The following ZNF385D variants were observed in gnomAD, a reference collection of about 807,000 sequenced individuals.
The protein encoded by ZNF385D is zinc finger protein 659.
ZNF385D carries 15 observed loss-of-function variants against 35.8 expected under a neutral mutation model. The ratio of observed to expected loss-of-function variants is 0.42; its 90% CI spans 0.28 to 0.64. The LOEUF is 0.64. Ranked by LOEUF, ZNF385D falls within the 30% of genes least tolerant of loss-of-function variation. The probability of loss-of-function intolerance (pLI) is 0.23; values close to 1 mark genes in which losing one functional copy is unlikely to be tolerated. For missense variants in ZNF385D, 474 were observed against 494.6 expected (o/e 0.96, Z 0.39); for synonymous variants, 212 against 186.8 (o/e 1.13, Z -1.10).
At chr3:21,991,618 A>G (rs1408548676) in intron 3 of ZNF385D, among the ~76,000 whole-genome samples, 1 of 152,212 alleles carries the variant, frequency 6.6e-6, no homozygotes, top group Non-Finnish European at 1.5e-5. Context: ...ACGACAGCTA[A>G]TAAGACAAAG....
At chr3:22,278,943 G>A (rs77240545) in intron 2 of ZNF385D, among the ~76,000 whole-genome samples, 7,657 of 152,010 alleles carry the variant, frequency 0.05, 252 homozygotes, top group African/African-American at 0.097. Context: ...TTACTCGCTG[G>A]GTTCCCTTAC....
At chr3:22,090,006 T>G (rs559820095) in intron 3 of ZNF385D, among the ~76,000 whole-genome samples, 4 of 152,118 alleles carry the variant, frequency 2.6e-5, no homozygotes, top group African/African-American at 9.6e-5. Flanking sequence ...GCCAGTCTAA[T>G]TTTTTTGCAT....
intron 3 of ZNF385D, among the ~76,000 whole-genome samples, chr3:21,554,165 T>C (rs1429505765): frequency 6.6e-6 from 1 of 152,178 alleles, no homozygotes; most frequent in Non-Finnish European, 1.5e-5. Flanking sequence ...AGCTATAGCC[T>C]TAAAAATATA....
chr3:21,796,940 C>T (rs2072180189), intron 3 of ZNF385D, among the ~76,000 whole-genome samples: 1 of 152,168 alleles, frequency 6.6e-6, no homozygotes, highest in African/African-American at 2.4e-5. Context: ...TCCCCCTGCC[C>T]ATACTTAGCT....
At chr3:21,462,006 TAAA>T (rs547745453) in intron 4 of ZNF385D, among the ~76,000 whole-genome samples, 2 of 152,240 alleles carry the variant, frequency 1.3e-5, no homozygotes, top group Admixed American at 1.3e-4. Context: ...AGTTGCCTAA[TAAA>T]AATTTTATAT....
intron 2 of ZNF385D, among the ~76,000 whole-genome samples, chr3:22,295,498 C>T (rs566711873): frequency 2.6e-5 from 4 of 152,056 alleles, no homozygotes; most frequent in Admixed American, 6.6e-5. Context: ...CAAAACTGGG[C>T]GTACATGTAG....
At chr3:21,861,117 C>A (rs1290513916) in intron 3 of ZNF385D, among the ~76,000 whole-genome samples, 1 of 152,130 alleles carries the variant, frequency 6.6e-6, no homozygotes, top group Non-Finnish European at 1.5e-5. Context: ...TCCAGCCAAG[C>A]CAATGAGGTT....
intron 3 of ZNF385D, among the ~76,000 whole-genome samples, chr3:22,146,536 T>C (rs13319493): frequency 0.015 from 2,211 of 152,306 alleles, 55 homozygotes; most frequent in African/African-American, 0.051. Context: ...TATTATAATT[T>C]ACTTTTTATG....
intron 3 of ZNF385D, among the ~76,000 whole-genome samples, chr3:21,940,842 A>G (rs927348269): frequency 6.6e-6 from 1 of 152,220 alleles, no homozygotes; most frequent in Non-Finnish European, 1.5e-5. Context: ...CAATGTCATA[A>G]TACAGAAATA....
chr3:22,131,699 C>G (rs796968582), intron 3 of ZNF385D, among the ~76,000 whole-genome samples: 170 of 152,272 alleles, frequency 1.1e-3, no homozygotes, highest in African/African-American at 3.5e-3. Context: ...ACTACAGATC[C>G]AGGCAGCTAG....
intron 3 of ZNF385D, among the ~76,000 whole-genome samples, chr3:21,905,689 AATAT>A (rs4044583): frequency 0.45 from 66,668 of 148,628 alleles, 15,131 homozygotes; most frequent in Middle Eastern, 0.57. Flanking sequence ...CATCTGTGGT[AATAT>A]ATATATATAT....
At chr3:21,954,948 G>C (rs962134246) in intron 3 of ZNF385D, among the ~76,000 whole-genome samples, 1 of 152,088 alleles carries the variant, frequency 6.6e-6, no homozygotes, top group Non-Finnish European at 1.5e-5. Flanking sequence ...AGCCTGCAAG[G>C]CTGTCTAGCC....
chr3:21,960,612 T>C (rs376557225), intron 3 of ZNF385D, among the ~76,000 whole-genome samples: 23 of 152,082 alleles, frequency 1.5e-4, no homozygotes, highest in African/African-American at 5.6e-4. Context: ...AGGAAATCAG[T>C]ATATAAAAAG....
rs542479541 is a variant in ZNF385D, at chr3:21,614,751, G to A, written c.166-50067C>T. 1.4e-3 allele frequency among the ~76,000 whole-genome samples: 208 copies of A among 152,248 alleles called. 1 individual carries two copies. The highest frequency in any genetic ancestry group is 2.3e-3 in the South Asian group (11 of 4,828). On this transcript the variant is annotated intron_variant, in intron 2 of 7. Transcript: ENST00000281523. ...CTGCAGGCGAATGCCACCTCGCCCA[G>A]CTAATTTTTCTATTTTTAGTAGAGT...
chr3:21,470,842 C>T (rs888133177), intron 4 of ZNF385D, among the ~76,000 whole-genome samples: 3 of 151,986 alleles, frequency 2.0e-5, no homozygotes, highest in Non-Finnish European at 4.4e-5. Context: ...AGCTTTCAGC[C>T]ACAATGGGCC....
At position 21,795,903 on chromosome 3, in the gene ZNF385D, TA is replaced by T. The variant is rs1426474355; in HGVS notation, c.326-130876del. Among the ~76,000 whole-genome samples the T allele has an allele frequency of 3.3e-5, 5 of 152,334 alleles. No homozygotes were observed. The East Asian group carries it at 9.6e-4, about 29-fold the overall frequency. On this transcript the variant is annotated intron_variant, in intron 3 of 5. Transcript: ENST00000494108. Reference sequence around the variant, plus strand: ...AACAAAAGAATATTAATTCAAGACCTAGCATGTAAAAGCTAATAATTTGCTA... The same window carrying T: ...AACAAAAGAATATTAATTCAAGACCTGCATGTAAAAGCTAATAATTTGCTA...
At chr3:21,813,522 T>C (rs1001740610) in intron 3 of ZNF385D, among the ~76,000 whole-genome samples, 1 of 152,168 alleles carries the variant, frequency 6.6e-6, no homozygotes, top group Non-Finnish European at 1.5e-5. Context: ...CTGATGGAGC[T>C]GAAAACCATG....
chr3:21,989,731 T>G (rs1195081408), intron 3 of ZNF385D, among the ~76,000 whole-genome samples: 1 of 152,222 alleles, frequency 6.6e-6, no homozygotes, highest in Non-Finnish European at 1.5e-5. Context: ...GTAATTACCT[T>G]TGAATGTTCT....
chr3:21,860,950 G>A (rs1364369515), intron 3 of ZNF385D, among the ~76,000 whole-genome samples: 1 of 152,054 alleles, frequency 6.6e-6, no homozygotes, highest in African/African-American at 2.4e-5. Flanking sequence ...TAGTCTCTAG[G>A]CACATCTGCC....
Sources: gnomAD v4.1 joint callset for allele counts (sites outside exome capture counted in the v4.1 genomes callset) on GRCh38, gnomAD v4.1.1 for gene constraint, MANE v1.5 for transcripts, NCBI Gene and HGNC (gene_info 2026-07-23, HGNC 2026-07-21) for gene names.